Variants in CNTN5 observed in about 807,000 individuals in gnomAD.
CNTN5 encodes contactin-5.
CNTN5 carries 77 observed loss-of-function variants against 129.1 expected under a neutral mutation model. That is an observed-to-expected ratio of 0.60 (90% CI 0.50 to 0.72). The LOEUF is 0.72. CNTN5 is among the 30% of genes least tolerant of loss of function. The pLI, the probability that CNTN5 is intolerant of heterozygous loss-of-function variation, is 0.00. For missense variants in CNTN5, 1,478 were observed against 1,328.8 expected (o/e 1.11, Z -1.75); for synonymous variants, 509 against 465.6 (o/e 1.09, Z -1.20).
intron 3 of CNTN5, among the ~76,000 whole-genome samples, chr11:99,744,802 AC>A (rs1372306295): frequency 1.3e-5 from 2 of 152,006 alleles, no homozygotes; most frequent in Admixed American, 1.3e-4. Context: ...ACTCAGAAAG[AC>A]TGCGACTCTT....
At chr11:99,536,490 A>C (rs1016500134) in intron 2 of CNTN5, among the ~76,000 whole-genome samples, 2 of 152,126 alleles carry the variant, frequency 1.3e-5, no homozygotes, top group Admixed American at 6.6e-5. Flanking sequence ...ACAGAGTAGC[A>C]TGTAACATTG....
chr11:100,264,551 G>T (rs577536069), intron 17 of CNTN5, among the ~76,000 whole-genome samples: 91 of 152,276 alleles, frequency 6.0e-4, no homozygotes, highest in African/African-American at 1.7e-3. Context: ...TCCTGGCAAA[G>T]GATGTGAACT....
At chr11:99,261,341 C>G (rs886211818) in intron 1 of CNTN5, among the ~76,000 whole-genome samples, 5 of 151,940 alleles carry the variant, frequency 3.3e-5, no homozygotes, top group African/African-American at 1.2e-4. Flanking sequence ...AATAGAAATA[C>G]CTACTCAATA....
At chr11:99,131,961 A>C (rs1185576989) in intron 1 of CNTN5, among the ~76,000 whole-genome samples, 3 of 152,332 alleles carry the variant, frequency 2.0e-5, no homozygotes, top group Middle Eastern at 6.8e-3. Context: ...AGATAACTTC[A>C]GGCCGACATC....
At chr11:100,126,224 C>G (rs1946179153) in intron 13 of CNTN5, among the ~76,000 whole-genome samples, 1 of 152,004 alleles carries the variant, frequency 6.6e-6, no homozygotes, top group East Asian at 1.9e-4. Flanking sequence ...CTGGGCAGAT[C>G]TTGGAGTATG....
chr11:99,293,535 C>T (rs139434988), intron 1 of CNTN5, among the ~76,000 whole-genome samples: 1 of 152,218 alleles, frequency 6.6e-6, no homozygotes, highest in Non-Finnish European at 1.5e-5. Context: ...TTTAGCAATA[C>T]AGCCACTGGG....
At chr11:99,492,319 A>C (rs1946067336) in intron 2 of CNTN5, among the ~76,000 whole-genome samples, 1 of 152,170 alleles carries the variant, frequency 6.6e-6, no homozygotes, top group African/African-American at 2.4e-5. Flanking sequence ...CATATCAATT[A>C]CCTCTTTAAT....
At chr11:100,149,283 A>G (rs1946964724) in intron 13 of CNTN5, among the ~76,000 whole-genome samples, 1 of 152,228 alleles carries the variant, frequency 6.6e-6, no homozygotes, top group Admixed American at 6.5e-5. Context: ...CATTAACAGC[A>G]TCAGACCTTG....
chr11:99,387,658 T>C (rs939191843), intron 2 of CNTN5, among the ~76,000 whole-genome samples: 4 of 141,294 alleles, frequency 2.8e-5, no homozygotes, highest in Non-Finnish European at 4.9e-5. Flanking sequence ...TCTCCTCTTT[T>C]TTCTGGACTC....
intron 8 of CNTN5, among the ~76,000 whole-genome samples, chr11:99,986,721 C>T (rs1033143146): frequency 1.3e-5 from 2 of 152,132 alleles, no homozygotes; most frequent in African/African-American, 4.8e-5. Flanking sequence ...TGTTTAAACC[C>T]ATCTCAAATT....
intron 15 of CNTN5, among the ~76,000 whole-genome samples, chr11:100,200,475 T>A (rs1455445256): frequency 6.6e-6 from 1 of 151,942 alleles, no homozygotes; most frequent in Non-Finnish European, 1.5e-5. Context: ...TTTTGATAGC[T>A]GTTTTATCTT....
intron 10 of CNTN5, among the ~76,000 whole-genome samples, chr11:100,069,127 T>G (rs1017576853): frequency 1.3e-5 from 2 of 152,144 alleles, no homozygotes; most frequent in Non-Finnish European, 2.9e-5. Flanking sequence ...CCCACTATTC[T>G]GACATGCATG....
chr11:99,875,768 A>G (rs938399954), intron 6 of CNTN5, among the ~76,000 whole-genome samples: 1 of 152,192 alleles, frequency 6.6e-6, no homozygotes, highest in South Asian at 2.1e-4. Context: ...TATGAAATAC[A>G]TAATAGACAA....
intron 6 of CNTN5, among the ~76,000 whole-genome samples, chr11:99,881,291 A>G (rs1306595887): frequency 6.6e-6 from 1 of 152,164 alleles, no homozygotes; most frequent in Non-Finnish European, 1.5e-5. Flanking sequence ...ACAGTTTTTA[A>G]GTTTTGACAG....
intron 2 of CNTN5, among the ~76,000 whole-genome samples, chr11:99,463,278 A>C (rs1944796760): frequency 6.6e-6 from 1 of 150,610 alleles, no homozygotes; most frequent in South Asian, 2.1e-4. Context: ...CTCTACTAAA[A>C]ATACAAAAAA....
intron 2 of CNTN5, among the ~76,000 whole-genome samples, chr11:99,528,198 C>A (rs966008283): frequency 3.3e-5 from 5 of 152,108 alleles, no homozygotes; most frequent in South Asian, 2.1e-4. Flanking sequence ...CTAAAAAATT[C>A]TTTACATATT....
intron 1 of CNTN5, among the ~76,000 whole-genome samples, chr11:99,123,670 A>G (rs1055090685): frequency 9.8e-6 from 1 of 102,006 alleles, no homozygotes; most frequent in African/African-American, 3.8e-5. Context: ...TTTTTTTTTT[A>G]TAGTTTTAGG....
At chr11:100,219,362 T>G (rs2138612792) in intron 15 of CNTN5, among the ~76,000 whole-genome samples, 1 of 152,272 alleles carries the variant, frequency 6.6e-6, no homozygotes, top group Non-Finnish European at 1.5e-5. Context: ...TAACACAAAC[T>G]TTTGCCATCA....
In CNTN5 at chr11:100,248,956, C is replaced by T. The variant is rs544928997; in HGVS notation, c.2006-6804C>T. Reference sequence around the variant, plus strand: ...ATTTGACCCGTTATCAAGACTAAAGCCTGTTCTTGCTTCAATGATTTTACC... The same window carrying T: ...ATTTGACCCGTTATCAAGACTAAAGTCTGTTCTTGCTTCAATGATTTTACC... On this transcript the variant is annotated intron_variant, in intron 16 of 24. Coordinates refer to ENST00000524871, the MANE Select transcript of CNTN5 (RefSeq NM_014361.4). Among the ~76,000 whole-genome samples, 5 of 152,200 alleles carry T rather than the reference C, an allele frequency of 3.3e-5. No homozygotes were observed. In the East Asian group the frequency reaches 7.7e-4, roughly 24 times the overall value.
Sources: allele counts gnomAD v4.1 joint callset (sites outside exome capture counted in the v4.1 genomes callset), GRCh38; gene constraint gnomAD v4.1.1; transcripts MANE v1.5; gene names NCBI Gene and HGNC (gene_info 2026-07-23, HGNC 2026-07-21).